Variants in CERS5 observed in about 807,000 individuals in gnomAD.
The protein encoded by CERS5 is LAG1 homolog, ceramide synthase 5.
In CERS5, 37 loss-of-function variants were observed where a neutral mutation model predicts 58.9. The ratio of observed to expected loss-of-function variants is 0.63; its 90% CI spans 0.48 to 0.83. The LOEUF is 0.83. Ranked by LOEUF, CERS5 falls within the 40% of genes least tolerant of loss-of-function variation. CERS5 has a pLI of 0.00. For missense variants in CERS5, 398 were observed against 489.3 expected (o/e 0.81, Z 1.76); for synonymous variants, 147 against 177.8 (o/e 0.83, Z 1.38).
intron 1 of CERS5, chr12:50,166,170 A>T: frequency 4.4e-6 from 1 of 228,688 alleles, no homozygotes; most frequent in South Asian, 4.2e-5. Flanking sequence ...TAAAAATACA[A>T]AAAGTAGCCG....
chr12:50,145,549 T>C (rs1299435810), intron 1 of CERS5, among the ~76,000 whole-genome samples: 1 of 152,184 alleles, frequency 6.6e-6, no homozygotes, highest in African/African-American at 2.4e-5. Context: ...TAAGAAACTT[T>C]ATCTCCCTCT....
At chr12:50,157,466 AG>A (rs1477605682) in intron 1 of CERS5, among the ~76,000 whole-genome samples, 2 of 151,910 alleles carry the variant, frequency 1.3e-5, no homozygotes, top group Non-Finnish European at 2.9e-5. Flanking sequence ...CTTACTGAAT[AG>A]CTAATATGAA....
In CERS5 at chr12:50,153,269, A is replaced by ATTTTTTTTTTTT. The variant is rs202197775; in HGVS notation, c.198-9224_198-9213dup. Among the ~76,000 whole-genome samples, 5 of 93,444 alleles carry ATTTTTTTTTTTT rather than the reference A, an allele frequency of 5.4e-5. 2 individuals carry two copies. The highest frequency in any genetic ancestry group is 6.2e-5 in the Non-Finnish European group (3 of 48,020). 61.3% of individuals were successfully genotyped at this position (93,444 alleles called of 152,430 possible). A position where few individuals can be genotyped will look rare whatever the true frequency, so the allele number is the denominator to read the frequency against. On this transcript the variant is annotated intron_variant, in intron 1 of 9. Transcript: ENST00000317551. ...GGTTATAATGAGATAAACTAATATG[A>ATTTTTTTTTTTT]TTTTTTTTTTTTTTTTTTTTTTTTT...
At chr12:50,135,624 C>T (rs148842982) in intron 8 of CERS5, 108 bp downstream of exon 8, 61 of 881,120 alleles carry the variant, frequency 6.9e-5, no homozygotes, top group Non-Finnish European at 9.6e-5. Flanking sequence ...GTTCTATTGG[C>T]GAAAGTAGAA....
At chr12:50,133,007 GGAA>G (rs953178148) in intron 9 of CERS5, 2 of 1,289,016 alleles carry the variant, frequency 1.6e-6, no homozygotes, top group African/African-American at 3.0e-5. Flanking sequence ...ATAGAAAAAA[GGAA>G]GGAGGTGAGG....
In CERS5 at chr12:50,138,552, C is replaced by T. The variant is rs748180373; in HGVS notation, c.543+15G>A. 1.2e-5 allele frequency: 19 copies of T among 1,611,914 alleles called. No individual in the cohort carries two copies. The Admixed American group carries it at 1.8e-4, about 16-fold the overall frequency. On this transcript the variant is annotated intron_variant, in intron 5 of 9. Coordinates refer to ENST00000317551, the MANE Select transcript of CERS5 (RefSeq NM_147190.5). ...CACATTCAAGACCCCTATCCTGAAA[C>T]GACTCAGATCCTACCTGAAATGGAT...
chr12:50,134,246 G>A (rs919078497), intron 9 of CERS5, among the ~76,000 whole-genome samples: 1 of 148,854 alleles, frequency 6.7e-6, no homozygotes, highest in Non-Finnish European at 1.5e-5. Context: ...AGGCGTGGTG[G>A]TGCACACCTA....
In CERS5 at chr12:50,130,310, C is replaced by T. The variant is rs1465907570; in HGVS notation, c.*235G>A. The stretch of plus-strand genomic sequence containing the variant: ...TGAAACTCACGCATATGCACAAACG[C>T]ACATCAACAAACACACAAAAACACA... On this transcript the variant is annotated 3_prime_UTR_variant, in exon 10 of 10. Coordinates refer to ENST00000317551, the MANE Select transcript of CERS5 (RefSeq NM_147190.5). 3 of 389,250 alleles carry T rather than the reference C, an allele frequency of 7.7e-6. No individual in the cohort carries two copies. Among genetic ancestry groups the T allele is most frequent in the Non-Finnish European group, 1.4e-5 (3 of 218,112 alleles). 24.1% of individuals were successfully genotyped at this position (389,250 alleles called of 1,614,324 possible).
intron 1 of CERS5, among the ~76,000 whole-genome samples, chr12:50,146,899 T>C (rs1952310916): frequency 6.6e-6 from 1 of 152,122 alleles, no homozygotes; most frequent in African/African-American, 2.4e-5. Flanking sequence ...ATTGTTTATT[T>C]TGTGCTACAG....
At chr12:50,144,230 C>A (rs1290374834) in intron 1 of CERS5, 173 bp from the exon 2 acceptor site, 6 of 532,478 alleles carry the variant, frequency 1.1e-5, no homozygotes, top group African/African-American at 1.9e-5. Context: ...ACATTTATCA[C>A]TTCTTTAGGG....
At chr12:50,144,150 G>A (rs1952133954) in intron 1 of CERS5, 93 bp from the exon 2 acceptor site, 6 of 739,930 alleles carry the variant, frequency 8.1e-6, no homozygotes, top group South Asian at 7.5e-5. Context: ...GGGGTACAAT[G>A]TGATGTTTCA....
Position 50,142,097 on chromosome 12 carries a change from ATG to A in CERS5, c.446_447del (p.Thr149IlefsTer11). The A allele has an allele frequency of 6.2e-7, 1 of 1,604,828 alleles. No individual in the cohort carries two copies. Among genetic ancestry groups the A allele is most frequent in the Non-Finnish European group, 8.5e-7 (1 of 1,172,564 alleles). On this transcript the variant is annotated frameshift_variant, in exon 4 of 10. Coordinates refer to ENST00000317551, the MANE Select transcript of CERS5 (RefSeq NM_147190.5). LOFTEE classifies it high-confidence loss of function. ...TKFCESMWRF[T>X]FYLCIFCYGI... ...CCATAGCAGAATATACATAAATAAAATGTGAATCTCCACCTGGGTGGGCAAAG... is the reference window on the plus strand; with the variant it reads ...CCATAGCAGAATATACATAAATAAAATGAATCTCCACCTGGGTGGGCAAAG...
At chr12:50,143,791 C>T (rs1952110140) in intron 2 of CERS5, 161 bp downstream of exon 2, 1 of 551,528 alleles carries the variant, frequency 1.8e-6, no homozygotes, top group Non-Finnish European at 3.3e-6. Context: ...AAAGGTTTTC[C>T]CTGAGGGGAT....
intron 1 of CERS5, among the ~76,000 whole-genome samples, chr12:50,163,106 C>T (rs1186993364): frequency 6.6e-6 from 1 of 152,170 alleles, no homozygotes; most frequent in African/African-American, 2.4e-5. Flanking sequence ...GCTATGCTGC[C>T]CAGGCTGATC....
rs1317308727 is a variant in CERS5, at chr12:50,167,088, C to G, written c.197+13G>C. On this transcript the variant is annotated intron_variant, in intron 1 of 9. Coordinates refer to ENST00000317551, the MANE Select transcript of CERS5 (RefSeq NM_147190.5). ...GCGCCCGGCCCCCGAGCCGCTCGCT[C>G]CCGGGCTCTCACCGCTCGAAGAGCA... The G allele has an allele frequency of 6.6e-7, 1 of 1,524,362 alleles. No homozygotes were observed. Among genetic ancestry groups the G allele is most frequent in the South Asian group, 1.2e-5 (1 of 83,606 alleles). The allele number at this position is 1,524,362 out of a possible 1,614,324, so 94.4% of individuals were successfully genotyped here.
intron 9 of CERS5, chr12:50,133,162 A>G (rs1565764213): frequency 1.6e-6 from 2 of 1,231,682 alleles, no homozygotes; most frequent in Non-Finnish European, 2.1e-6. Flanking sequence ...TGGCAGCTAT[A>G]AGGAATAATG....
At chr12:50,155,525 AAG>A in intron 1 of CERS5, among the ~76,000 whole-genome samples, 1 of 151,120 alleles carries the variant, frequency 6.6e-6, no homozygotes, top group South Asian at 2.1e-4. Flanking sequence ...TCACGAGGTC[AAG>A]AGATCGAGAC....
chr12:50,153,495 C>T (rs1329567777), intron 1 of CERS5, among the ~76,000 whole-genome samples: 1 of 151,104 alleles, frequency 6.6e-6, no homozygotes, highest in Non-Finnish European at 1.5e-5. Flanking sequence ...GGCCAGGATG[C>T]TCTCAATCTC....
chr12:50,144,288 C>T (rs1167350116), intron 1 of CERS5: 3 of 447,962 alleles, frequency 6.7e-6, no homozygotes, highest in South Asian at 5.8e-5. Flanking sequence ...GGATTACAGG[C>T]GTGGGCCACT....
Sources: allele counts gnomAD v4.1 joint callset (sites outside exome capture counted in the v4.1 genomes callset), GRCh38; gene constraint gnomAD v4.1.1; transcripts MANE v1.5; gene names NCBI Gene and HGNC (gene_info 2026-07-23, HGNC 2026-07-21).